MYO3B: variants seen among roughly 807,000 people sequenced by gnomAD.
MYO3B encodes myosin IIIB, also known as myosin-IIIb.
In MYO3B, 156 loss-of-function variants were observed where a neutral mutation model predicts 174.6. The observed-to-expected ratio is 0.89, with a 90% CI of 0.78 to 1.02. MYO3B has a LOEUF of 1.02. Among genes scored for constraint, MYO3B ranks in the 50% least tolerant of loss-of-function variants. MYO3B has a pLI of 0.00. For missense variants in MYO3B, 1,632 were observed against 1,639.4 expected, an observed-to-expected ratio of 1.00 and a Z score of 0.08; for synonymous variants, 563 against 569.1, an observed-to-expected ratio of 0.99 and a Z score of 0.15.
chr2:170,547,802 C>T (rs1006817624), intron 32 of MYO3B, among the ~76,000 whole-genome samples: 8 of 152,104 alleles, frequency 5.3e-5, no homozygotes, highest in Non-Finnish European at 1.0e-4. Flanking sequence ...AAACATTAAG[C>T]AGACAAGTAA....
chr2:170,540,649 CAAAAACAAAAAACAACAAA>C (rs951329407), intron 30 of MYO3B, among the ~76,000 whole-genome samples: 5 of 133,698 alleles, frequency 3.7e-5, no homozygotes, highest in Admixed American at 7.3e-5. Context: ...GTCCCTAAGG[CAAAAACAAAAAACAACAAA>C]AAAAACAAAA....
chr2:170,303,402 G>A (rs1221734756), intron 7 of MYO3B, among the ~76,000 whole-genome samples: 1 of 152,046 alleles, frequency 6.6e-6, no homozygotes, highest in East Asian at 1.9e-4. Context: ...CATCTTATGG[G>A]TGTAAAAAAT....
chr2:170,651,973 C>T (rs937580100), intron 33 of MYO3B, 135 bp from the exon 34 acceptor site: 5 of 878,326 alleles, frequency 5.7e-6, no homozygotes, highest in Non-Finnish European at 8.2e-6. Flanking sequence ...CACTTGAGCC[C>T]TTTGATCAAA....
At chr2:170,475,409 C>A (rs1685253319) in intron 25 of MYO3B, among the ~76,000 whole-genome samples, 1 of 152,124 alleles carries the variant, frequency 6.6e-6, no homozygotes, top group Non-Finnish European at 1.5e-5. Context: ...AACCACCATG[C>A]CTGGCTAATT....
chr2:170,252,570 C>T (rs1332176712), intron 7 of MYO3B, among the ~76,000 whole-genome samples: 3 of 152,106 alleles, frequency 2.0e-5, no homozygotes, highest in Non-Finnish European at 2.9e-5. Context: ...CTGTATCAGG[C>T]ATGGCAATAA....
At chr2:170,243,778 C>A (rs181704041) in intron 7 of MYO3B, among the ~76,000 whole-genome samples, 1 of 152,226 alleles carries the variant, frequency 6.6e-6, no homozygotes, top group Non-Finnish European at 1.5e-5. Context: ...TGAGATCAGT[C>A]ATTTGAAAGT....
intron 6 of MYO3B, among the ~76,000 whole-genome samples, chr2:170,228,042 G>A (rs1023516971): frequency 6.6e-6 from 1 of 152,164 alleles, no homozygotes; most frequent in Non-Finnish European, 1.5e-5. Flanking sequence ...CAGCAAGGGA[G>A]AGTGAAGGGA....
chr2:170,633,407 A>G (rs758624216), intron 32 of MYO3B, among the ~76,000 whole-genome samples: 37 of 152,362 alleles, frequency 2.4e-4, no homozygotes, highest in Non-Finnish European at 5.1e-4. Context: ...AAGGCCTTGG[A>G]TATAATTCAA....
intron 7 of MYO3B, among the ~76,000 whole-genome samples, chr2:170,315,303 A>G (rs13400063): frequency 0.035 from 4,729 of 134,474 alleles, 255 homozygotes; most frequent in African/African-American, 0.12. Flanking sequence ...GAGACATACA[A>G]TTTACTTATA....
rs954574483 is a variant in MYO3B, at chr2:170,369,249, A to G, written c.843A>G (p.Arg281=). 6.8e-6 allele frequency: 11 copies of G among 1,613,232 alleles called. No homozygotes were observed. Among genetic ancestry groups the G allele is most frequent in the Middle Eastern group, 1.7e-4 (1 of 6,060 alleles). The change falls in exon 9 of 35, where the codon CGA becomes CGG. Residue 281 remains arginine, a synonymous_variant. Transcript: ENST00000408978. ...SQCLIKDFER[R]PSVTHLLDHP... ...GTCTTATTAAGGATTTTGAAAGGCG[A>G]CCTTCCGTCACACATCTCCTTGACC...
intron 32 of MYO3B, among the ~76,000 whole-genome samples, chr2:170,609,156 G>C (rs1192996483): frequency 6.6e-6 from 1 of 152,102 alleles, no homozygotes; most frequent in Non-Finnish European, 1.5e-5. Context: ...TGATTTCCTT[G>C]CCCATGTTCC....
chr2:170,401,802 CTTTT>C (rs769531863), intron 18 of MYO3B, 111 bp downstream of exon 18: 53 of 699,196 alleles, frequency 7.6e-5, no homozygotes, highest in Middle Eastern at 4.2e-4. Flanking sequence ...CTTTCTTTTT[CTTTT>C]TTTTTTTTTT....
At position 170,229,968 on chromosome 2, in the gene MYO3B, A is replaced by G. The variant is rs114305385; in HGVS notation, c.604-6023A>G. The stretch of plus-strand genomic sequence containing the variant: ...TGCCCTGTGCTTACAGTAGAAAGGG[A>G]TATAGTTGGGAAGGGAATTTCATTT... On this transcript the variant is annotated intron_variant, in intron 6 of 34. Coordinates refer to ENST00000408978, the MANE Select transcript of MYO3B (RefSeq NM_138995.5). Among the ~76,000 whole-genome samples, 969 of 152,228 alleles carry G rather than the reference A, an allele frequency of 6.4e-3. 15 individuals carry two copies. Among genetic ancestry groups the G allele is most frequent in the African/African-American group, 0.022 (922 of 41,554 alleles).
intron 22 of MYO3B, among the ~76,000 whole-genome samples, chr2:170,432,714 C>T (rs1180360251): frequency 6.6e-6 from 1 of 151,884 alleles, no homozygotes; most frequent in Admixed American, 6.6e-5. Flanking sequence ...GTAGTTGGGA[C>T]TACAGGCGCC....
intron 8 of MYO3B, chr2:170,350,495 A>G (rs1460332933): frequency 6.6e-6 from 1 of 152,120 alleles, no homozygotes; most frequent in Non-Finnish European, 1.5e-5. Context: ...TTAGAATTCC[A>G]CAGAAAGATT....
intron 28 of MYO3B, among the ~76,000 whole-genome samples, chr2:170,503,459 CTTT>C (rs10650053): frequency 2.2e-4 from 21 of 97,596 alleles, no homozygotes; most frequent in African/African-American, 4.0e-4. Flanking sequence ...GGGTGTCTCC[CTTT>C]TTTTTTTTTT....
intron 7 of MYO3B, among the ~76,000 whole-genome samples, chr2:170,277,066 A>G (rs886520725): frequency 1.3e-5 from 2 of 152,186 alleles, no homozygotes; most frequent in Non-Finnish European, 2.9e-5. Flanking sequence ...TGACAAGGTC[A>G]GTGCTGGGAA....
intron 7 of MYO3B, among the ~76,000 whole-genome samples, chr2:170,245,288 T>C (rs1196914858): frequency 6.6e-6 from 1 of 152,150 alleles, no homozygotes; most frequent in African/African-American, 2.4e-5. Context: ...GTGAACTGTA[T>C]AGGCTGAAAG....
At chr2:170,291,271 A>T (rs2093594184) in intron 7 of MYO3B, among the ~76,000 whole-genome samples, 2 of 152,126 alleles carry the variant, frequency 1.3e-5, no homozygotes, top group African/African-American at 2.4e-5. Flanking sequence ...ACAAACAAAC[A>T]AAAAACCAAA....
Sources: gnomAD v4.1 joint callset for allele counts (sites outside exome capture counted in the v4.1 genomes callset) on GRCh38, gnomAD v4.1.1 for gene constraint, MANE v1.5 for transcripts, NCBI Gene and HGNC (gene_info 2026-07-23, HGNC 2026-07-21) for gene names.